The following ZBTB7C variants were observed in gnomAD, a reference collection of about 807,000 sequenced individuals.
ZBTB7C encodes the protein zinc finger and BTB domain-containing protein 7C.
Under a neutral mutation model 25.7 loss-of-function variants are expected in ZBTB7C, and 8 were observed. The ratio of observed to expected loss-of-function variants is 0.31; its 90% confidence interval spans 0.18 to 0.56. The LOEUF (loss-of-function observed/expected upper bound fraction) is 0.56. Among genes scored for constraint, ZBTB7C ranks in the 20% least tolerant of loss-of-function variants. ZBTB7C has a pLI of 0.91. For missense variants in ZBTB7C, 824 were observed against 855.2 expected, an observed-to-expected ratio of 0.96 and a Z score of 0.46; for synonymous variants, 394 against 369.0, an observed-to-expected ratio of 1.07 and a Z score of -0.78.
intron 3 of ZBTB7C, among the ~76,000 whole-genome samples, chr18:48,116,148 G>A (rs1394600251): frequency 3.3e-5 from 5 of 151,832 alleles, no homozygotes; most frequent in African/African-American, 4.8e-5. Flanking sequence ...CAAGGACAGT[G>A]GCACAAATGC....
intron 2 of ZBTB7C, among the ~76,000 whole-genome samples, chr18:48,200,905 G>A (rs1027583523): frequency 2.0e-5 from 3 of 152,202 alleles, no homozygotes; most frequent in African/African-American, 7.2e-5. Context: ...ACTCACTGTG[G>A]GGAGAAGCTG....
intron 3 of ZBTB7C, among the ~76,000 whole-genome samples, chr18:48,103,102 A>C: frequency 8.0e-6 from 1 of 125,604 alleles, no homozygotes; most frequent in East Asian, 2.2e-4. Flanking sequence ...TATATATTAT[A>C]TATTTTATAT....
At chr18:48,341,646 A>G (rs2046603613) in intron 1 of ZBTB7C, among the ~76,000 whole-genome samples, 2 of 152,328 alleles carry the variant, frequency 1.3e-5, no homozygotes, top group East Asian at 3.9e-4. Flanking sequence ...AAGAAAGGAG[A>G]GTTTTCACAG....
chr18:48,034,959 C>T (rs2035911587), intron 4 of ZBTB7C, among the ~76,000 whole-genome samples: 1 of 152,220 alleles, frequency 6.6e-6, no homozygotes, highest in Non-Finnish European at 1.5e-5. Flanking sequence ...GCTTTCCCAG[C>T]AGCCTCTACC....
At chr18:48,068,132 G>T (rs1222395101) in intron 3 of ZBTB7C, among the ~76,000 whole-genome samples, 1 of 144,386 alleles carries the variant, frequency 6.9e-6, no homozygotes, top group Non-Finnish European at 1.5e-5. Flanking sequence ...CTTGAGCCTT[G>T]TAAGTCTTTT....
At chr18:48,196,688 CT>C (rs977254882) in intron 2 of ZBTB7C, among the ~76,000 whole-genome samples, 2 of 151,930 alleles carry the variant, frequency 1.3e-5, no homozygotes, top group Admixed American at 6.6e-5. Flanking sequence ...TTCTGAAAGT[CT>C]TTTTTTTCTA....
intron 3 of ZBTB7C, among the ~76,000 whole-genome samples, chr18:48,052,437 C>T (rs368545226): frequency 6.6e-6 from 1 of 152,192 alleles, no homozygotes; most frequent in Non-Finnish European, 1.5e-5. Context: ...TAAGGTGCTC[C>T]ACAGCTGGCT....
intron 3 of ZBTB7C, among the ~76,000 whole-genome samples, chr18:48,174,852 G>A (rs1568278567): frequency 6.6e-6 from 1 of 152,174 alleles, no homozygotes; most frequent in Non-Finnish European, 1.5e-5. Flanking sequence ...CTGTGAGAAA[G>A]AAGGGGAAAT....
At chr18:48,082,454 C>T (rs563282503) in intron 3 of ZBTB7C, among the ~76,000 whole-genome samples, 1 of 152,260 alleles carries the variant, frequency 6.6e-6, no homozygotes, top group South Asian at 2.1e-4. Flanking sequence ...CCCAGGCCCT[C>T]AGCAGGGAAG....
At chr18:48,042,654 C>T (rs1456965537) in intron 3 of ZBTB7C, among the ~76,000 whole-genome samples, 1 of 152,192 alleles carries the variant, frequency 6.6e-6, no homozygotes, top group East Asian at 1.9e-4. Context: ...CCTTCTCCTC[C>T]ACCATGGGGC....
At chr18:48,259,214 TACTGGG>T (rs1474041638) in intron 2 of ZBTB7C, among the ~76,000 whole-genome samples, 1 of 152,216 alleles carries the variant, frequency 6.6e-6, no homozygotes, top group Non-Finnish European at 1.5e-5. Flanking sequence ...CCTCTCAAAG[TACTGGG>T]ATTATAGGCG....
chr18:48,074,638 T>C (rs145387912), intron 3 of ZBTB7C, among the ~76,000 whole-genome samples: 21 of 152,296 alleles, frequency 1.4e-4, no homozygotes, highest in African/African-American at 4.3e-4. Context: ...CTCAGACCAA[T>C]TGCAGACAGC....
rs1031647690 is a variant in ZBTB7C, at chr18:48,109,213, G to A, written c.-16-68090C>T. ...AATGAGGCCCAAGGGAGAACACATC[G>A]AAGGGAATGCAAGCACTGCAGACCC... On this transcript the variant is annotated intron_variant, in intron 3 of 4. Coordinates refer to ENST00000590800, the MANE Select transcript of ZBTB7C (RefSeq NM_001318841.2). 3.9e-5 allele frequency among the ~76,000 whole-genome samples: 6 copies of A among 152,086 alleles called. No individual in the cohort carries two copies. The East Asian group carries it at 5.8e-4, about 15-fold the overall frequency.
intron 2 of ZBTB7C, among the ~76,000 whole-genome samples, chr18:48,238,236 C>CAT (rs1367574998): frequency 6.6e-6 from 1 of 152,098 alleles, no homozygotes; most frequent in African/African-American, 2.4e-5. Flanking sequence ...TTAAACTGTG[C>CAT]ATATAAGTGT....
chr18:48,300,700 C>T (rs2045522489), intron 2 of ZBTB7C, among the ~76,000 whole-genome samples: 1 of 152,226 alleles, frequency 6.6e-6, no homozygotes, highest in Non-Finnish European at 1.5e-5. Flanking sequence ...AGCCCCTGTT[C>T]CTTTCAAACC....
chr18:48,180,146 T>TCCTTCCTTCCTTC (rs2041871847), intron 3 of ZBTB7C, among the ~76,000 whole-genome samples: 1 of 129,406 alleles, frequency 7.7e-6, no homozygotes, highest in Admixed American at 7.7e-5. Flanking sequence ...CTTCCTTCCT[T>TCCTTCCTTCCTTC]CTTTCCCTCC....
chr18:48,305,828 A>C lies in ZBTB7C; in HGVS notation c.-79+32346T>G, dbSNP rs372080780. On this transcript the variant is annotated intron_variant, in intron 2 of 4. Transcript: ENST00000590800. The stretch of plus-strand genomic sequence containing the variant: ...ACTTGCCCAGAGGCTCAGGGAGCTC[A>C]GGTCACTTGCCTACTCCCCTCAGCC... Among the ~76,000 whole-genome samples, 264 of 152,282 alleles carry C rather than the reference A, an allele frequency of 1.7e-3. 2 individuals carry two copies. The highest frequency in any genetic ancestry group is 5.8e-3 in the African/African-American group (241 of 41,554).
At chr18:48,098,613 T>G (rs145063761) in intron 3 of ZBTB7C, among the ~76,000 whole-genome samples, 76 of 152,292 alleles carry the variant, frequency 5.0e-4, no homozygotes, top group Non-Finnish European at 7.5e-4. Flanking sequence ...CTTCTGTGGA[T>G]TCTCCGCTCC....
intron 3 of ZBTB7C, among the ~76,000 whole-genome samples, chr18:48,160,026 T>A (rs2040954462): frequency 6.6e-6 from 1 of 152,030 alleles, no homozygotes; most frequent in Non-Finnish European, 1.5e-5. Flanking sequence ...TGGAAAAGAG[T>A]CACAGCATTA....
Sources: allele counts gnomAD v4.1 joint callset (sites outside exome capture counted in the v4.1 genomes callset), GRCh38; gene constraint gnomAD v4.1.1; transcripts MANE v1.5; gene names NCBI Gene and HGNC (gene_info 2026-07-23, HGNC 2026-07-21).